Variants in ZNF362 observed in about 807,000 individuals in gnomAD.
The protein encoded by ZNF362 is rotund homolog.
In ZNF362, 11 loss-of-function variants were observed where a neutral mutation model predicts 42.9. The ratio of observed to expected loss-of-function variants is 0.26; its 90% confidence interval spans 0.16 to 0.42. The LOEUF is 0.42. Among genes scored for constraint, ZNF362 ranks in the 20% least tolerant of loss-of-function variants. ZNF362 has a pLI of 1.00. For synonymous variants in ZNF362, 255 were observed against 257.3 expected (o/e 0.99, Z 0.09); for missense variants, 362 against 576.2 (o/e 0.63, Z 3.81).
chr1:33,274,957 A>G (rs1645932619), intron 2 of ZNF362: 2 of 985,228 alleles, frequency 2.0e-6, no homozygotes, highest in Non-Finnish European at 2.4e-6. Flanking sequence ...TTGTGTCCTT[A>G]TTGAGGGTTT....
chr1:33,128,092 G>A, the ZNF362 span, among the ~76,000 whole-genome samples: 1 of 151,714 alleles, frequency 6.6e-6, no homozygotes, highest in African/African-American at 2.4e-5. Flanking sequence ...GGTTGGGCAC[G>A]GTAGCTCACA....
At chr1:33,278,927 TAC>T (rs912811296) in intron 4 of ZNF362, among the ~76,000 whole-genome samples, 2 of 152,246 alleles carry the variant, frequency 1.3e-5, no homozygotes, top group African/African-American at 4.8e-5. Flanking sequence ...TATGGATATG[TAC>T]ACACATCTTT....
rs1645822111 is a variant in ZNF362 at position 33,260,510 on chromosome 1, A to G, written c.-89+3856A>G. ...AGGGTCTGCTTGGACCACTTGCTCTAAAATAGCTTCCTACTCTCACTCTCT... is the reference window on the plus strand; with the variant it reads ...AGGGTCTGCTTGGACCACTTGCTCTGAAATAGCTTCCTACTCTCACTCTCT... On this transcript the variant is annotated intron_variant, in intron 1 of 8. Coordinates refer to ENST00000539719, the MANE Select transcript of ZNF362 (RefSeq NM_152493.3). 3.9e-5 allele frequency among the ~76,000 whole-genome samples: 6 copies of G among 152,208 alleles called. No individual in the cohort carries two copies. The South Asian group carries it at 1.2e-3, about 31-fold the overall frequency.
chr1:33,144,495 C>A, the ZNF362 span, among the ~76,000 whole-genome samples: 1 of 152,220 alleles, frequency 6.6e-6, no homozygotes, highest in African/African-American at 2.4e-5. Context: ...AAACCTCCAC[C>A]ACCTGTATAT....
At chr1:33,226,014 G>A in the ZNF362 span, among the ~76,000 whole-genome samples, 1 of 152,096 alleles carries the variant, frequency 6.6e-6, no homozygotes, top group South Asian at 2.1e-4. Flanking sequence ...ATGGATTATT[G>A]TGATTGGTTT....
the ZNF362 span, among the ~76,000 whole-genome samples, chr1:33,197,779 AG>A: frequency 1.3e-5 from 2 of 152,192 alleles, no homozygotes; most frequent in Admixed American, 6.5e-5. Context: ...AGCACTTCAT[AG>A]TACTGAGTAC....
intron 1 of ZNF362, among the ~76,000 whole-genome samples, chr1:33,269,641 A>T (rs1209893452): frequency 1.3e-5 from 2 of 152,084 alleles, no homozygotes; most frequent in African/African-American, 4.8e-5. Context: ...GGCTCAAGCG[A>T]TTCTCCTGCC....
At chr1:33,167,746 G>A in the ZNF362 span, among the ~76,000 whole-genome samples, 1 of 152,210 alleles carries the variant, frequency 6.6e-6, no homozygotes, top group Non-Finnish European at 1.5e-5. This position sits in a 1 kb window ranked among gnomAD's most constrained non-coding sequence, Gnocchi z 4.2. Flanking sequence ...AGACCAGGGA[G>A]GGCCTTGGTA....
chr1:33,158,231 AC>A, the ZNF362 span: 1 of 1,605,316 alleles, frequency 6.2e-7, no homozygotes, highest in Non-Finnish European at 8.5e-7. Flanking sequence ...CTAGCTCTGG[AC>A]CATGATAACC....
At chr1:33,287,290 C>A (rs1338656506) in intron 6 of ZNF362, among the ~76,000 whole-genome samples, 1 of 152,202 alleles carries the variant, frequency 6.6e-6, no homozygotes, top group African/African-American at 2.4e-5. Context: ...GAGTCTGAGA[C>A]TGGCCTGGGC....
At chr1:33,208,524 A>G in the ZNF362 span, among the ~76,000 whole-genome samples, 4 of 152,100 alleles carry the variant, frequency 2.6e-5, no homozygotes, top group Non-Finnish European at 4.4e-5. Flanking sequence ...CTTGTGCAGT[A>G]TGGCCATTTT....
the ZNF362 span, among the ~76,000 whole-genome samples, chr1:33,180,302 CTT>C: frequency 6.6e-6 from 1 of 152,104 alleles, no homozygotes; most frequent in Non-Finnish European, 1.5e-5. Flanking sequence ...AAATCTTTAC[CTT>C]TAAGTCCTGG....
At chr1:33,157,275 G>A in the ZNF362 span, among the ~76,000 whole-genome samples, 11 of 152,020 alleles carry the variant, frequency 7.2e-5, no homozygotes, top group Non-Finnish European at 1.5e-4. Flanking sequence ...TGCTCTTCCT[G>A]CCTGGGAAAC....
intron 2 of ZNF362, 113 bp from the exon 3 acceptor site, chr1:33,275,987 G>A (rs1449072448): frequency 2.5e-6 from 3 of 1,203,436 alleles, no homozygotes; most frequent in Non-Finnish European, 3.6e-6. Context: ...GGGGACCCAC[G>A]GGGACATGGA....
At chr1:33,277,654 T>C (rs929651877) in intron 4 of ZNF362, among the ~76,000 whole-genome samples, 2 of 152,018 alleles carry the variant, frequency 1.3e-5, no homozygotes, top group African/African-American at 4.8e-5. Flanking sequence ...AGTGGACAGA[T>C]ATGAGATACA....
the ZNF362 span, among the ~76,000 whole-genome samples, chr1:33,179,992 G>T: frequency 1.3e-5 from 2 of 149,996 alleles, no homozygotes; most frequent in African/African-American, 5.0e-5. Context: ...TAATGTTTTT[G>T]TTTGTTTGTT....
intron 6 of ZNF362, among the ~76,000 whole-genome samples, chr1:33,286,971 G>A (rs369933656): frequency 1.8e-4 from 28 of 152,292 alleles, no homozygotes; most frequent in African/African-American, 6.0e-4. Flanking sequence ...AGTTGAGAAG[G>A]TTGTGCTTGG....
the ZNF362 span, among the ~76,000 whole-genome samples, chr1:33,188,719 G>A: frequency 1.3e-5 from 2 of 152,304 alleles, no homozygotes; most frequent in East Asian, 1.9e-4. Flanking sequence ...TGGGCCATGC[G>A]TGGCTTCCAT....
the ZNF362 span, chr1:33,159,851 G>T: frequency 4.3e-6 from 7 of 1,613,318 alleles, no homozygotes; most frequent in Admixed American, 1.2e-4. The surrounding 1 kb of genome is among the most constrained non-coding windows in gnomAD (Gnocchi z 4.2). Context: ...TCCGCCTCCA[G>T]CTCCTCTAGC....
Sources: allele counts gnomAD v4.1 joint callset (sites outside exome capture counted in the v4.1 genomes callset), GRCh38; gene constraint gnomAD v4.1.1; non-coding constraint Gnocchi (gnomAD v3.1); transcripts MANE v1.5; gene names NCBI Gene and HGNC (gene_info 2026-07-23, HGNC 2026-07-21).